FBXO34: variants seen among roughly 807,000 people sequenced by gnomAD.
The protein encoded by FBXO34 is F-box protein 34, also known as F-box only protein 34.
FBXO34 carries 12 observed loss-of-function variants against 24.5 expected under a neutral mutation model. That is an observed-to-expected ratio of 0.49 (90% CI 0.31 to 0.79). FBXO34 has a LOEUF of 0.79. FBXO34 is among the 30% of genes least tolerant of loss of function. The pLI is 0.04. For synonymous variants in FBXO34, 320 were observed against 311.9 expected (o/e 1.03, Z -0.27); for missense variants, 823 against 857.7 (o/e 0.96, Z 0.51).
the FBXO34 span, among the ~76,000 whole-genome samples, chr14:55,376,058 G>A: frequency 6.6e-6 from 1 of 152,164 alleles, no homozygotes; most frequent in Non-Finnish European, 1.5e-5. Flanking sequence ...ATCTGTTAAT[G>A]TGATGAAATA....
At chr14:55,378,101 AG>A in the FBXO34 span, 2 of 1,597,420 alleles carry the variant, frequency 1.3e-6, no homozygotes, top group Non-Finnish European at 1.7e-6. Flanking sequence ...CAATTTATAA[AG>A]TTGCATTTTT....
the FBXO34 span, among the ~76,000 whole-genome samples, chr14:55,403,684 T>TCAA: frequency 6.6e-6 from 1 of 151,876 alleles, no homozygotes; most frequent in African/African-American, 2.4e-5. Context: ...AACAACAACA[T>TCAA]CAACAACAAC....
intron 1 of FBXO34, among the ~76,000 whole-genome samples, chr14:55,319,717 C>T (rs367734064): frequency 6.6e-6 from 1 of 152,098 alleles, no homozygotes; most frequent in African/African-American, 2.4e-5. Flanking sequence ...GGCTCTGTCG[C>T]CAGGCTGGAG....
the FBXO34 span, among the ~76,000 whole-genome samples, chr14:55,430,541 G>T: frequency 1.1e-3 from 161 of 152,082 alleles, no homozygotes; most frequent in Non-Finnish European, 9.3e-4. Flanking sequence ...TAAGTAGCCT[G>T]CAGGGGCATG....
chr14:55,321,170 T>TC (rs1883121669), intron 1 of FBXO34, among the ~76,000 whole-genome samples: 1 of 151,744 alleles, frequency 6.6e-6, no homozygotes, highest in African/African-American at 2.4e-5. Context: ...GGCGGTTTTT[T>TC]TTTTTTTTAA....
the FBXO34 span, chr14:55,382,245 T>C: frequency 2.7e-5 from 42 of 1,530,242 alleles, no homozygotes; most frequent in Non-Finnish European, 3.7e-5. Flanking sequence ...TTTAAGGGCA[T>C]GCAATATAAC....
the FBXO34 span, among the ~76,000 whole-genome samples, chr14:55,407,715 T>C: frequency 1.5e-4 from 23 of 152,316 alleles, 1 homozygote; most frequent in African/African-American, 5.3e-4. Context: ...GTGGCTATCT[T>C]CCTCAAATAA....
At chr14:55,348,973 T>G (rs1400089999) in intron 1 of FBXO34, among the ~76,000 whole-genome samples, 7 of 152,140 alleles carry the variant, frequency 4.6e-5, no homozygotes, top group Admixed American at 4.6e-4. Context: ...GCTGTCCCAG[T>G]GAGCAAGAGT....
chr14:55,313,680 G>A (rs1032414570), intron 1 of FBXO34, among the ~76,000 whole-genome samples: 3 of 152,122 alleles, frequency 2.0e-5, no homozygotes, highest in Non-Finnish European at 2.9e-5. Flanking sequence ...TCACAATGTG[G>A]CAGTTGGGAG....
intron 1 of FBXO34, among the ~76,000 whole-genome samples, chr14:55,279,459 TGTG>T (rs1321925862): frequency 2.0e-5 from 3 of 152,204 alleles, no homozygotes; most frequent in East Asian, 1.9e-4. Context: ...ATAATACTAT[TGTG>T]GTGTTTTGGC....
intron 1 of FBXO34, among the ~76,000 whole-genome samples, chr14:55,344,190 C>G (rs1411701536): frequency 6.6e-6 from 1 of 152,122 alleles, no homozygotes; most frequent in Non-Finnish European, 1.5e-5. Flanking sequence ...TTCTAGTCAC[C>G]CCTCCATCAT....
rs866235449 is a variant in FBXO34 at position 55,308,728 on chromosome 14, A to T, written c.-11+37191A>T. On this transcript the variant is annotated intron_variant, in intron 1 of 1. Transcript: ENST00000313833. The stretch of plus-strand genomic sequence containing the variant: ...AAGCAATATCATCAAATTCCTCCTT[A>T]ATTCCCTCATCTTTAAAATGAGGAG... Among the ~76,000 whole-genome samples the T allele has an allele frequency of 3.3e-5, 5 of 152,180 alleles. 1 individual carries two copies. In the South Asian group the frequency reaches 8.3e-4, roughly 25 times the overall value.
chr14:55,336,042 TATGTCTTTAAAGTATGA>T lies in FBXO34; in HGVS notation c.-10-14337_-10-14321del, dbSNP rs1202178397. Among the ~76,000 whole-genome samples, 3 of 152,182 alleles carry T rather than the reference TATGTCTTTAAAGTATGA, an allele frequency of 2.0e-5. No individual in the cohort carries two copies. The East Asian group carries it at 5.8e-4, about 29-fold the overall frequency. ...GCATTTATTTAAATGTTTATATATA[TATGTCTTTAAAGTATGA>T]AAGTTAAGTGCACTTATACAAGGCA... is the stretch of plus-strand genomic sequence containing the variant. On this transcript the variant is annotated intron_variant, in intron 1 of 1. Coordinates refer to ENST00000313833, the MANE Select transcript of FBXO34 (RefSeq NM_017943.4).
intron 1 of FBXO34, among the ~76,000 whole-genome samples, chr14:55,331,727 A>ATG (rs1406867255): frequency 4.0e-5 from 2 of 49,842 alleles, no homozygotes; most frequent in African/African-American, 2.0e-4. Flanking sequence ...GTATATATAT[A>ATG]TGTATATATA....
chr14:55,274,716 T>C (rs529010541), intron 1 of FBXO34, among the ~76,000 whole-genome samples: 19 of 152,356 alleles, frequency 1.2e-4, no homozygotes, highest in African/African-American at 4.3e-4. Context: ...TTTTTTAAAC[T>C]TAATTTATGT....
At chr14:55,418,922 T>C in the FBXO34 span, among the ~76,000 whole-genome samples, 6 of 152,206 alleles carry the variant, frequency 3.9e-5, no homozygotes, top group Admixed American at 2.0e-4. Context: ...CTATGGTCAC[T>C]TGCATTTTGC....
chr14:55,313,648 G>A (rs4580079), intron 1 of FBXO34, among the ~76,000 whole-genome samples: 46,011 of 152,000 alleles, frequency 0.3, 7,273 homozygotes, highest in Non-Finnish European at 0.34. Flanking sequence ...CATGGCACAA[G>A]GTGAAGAAGC....
downstream of FBXO34, among the ~76,000 whole-genome samples, chr14:55,365,099 C>T (rs1884651156): frequency 6.7e-6 from 1 of 149,504 alleles, no homozygotes; most frequent in African/African-American, 2.5e-5. Context: ...GTGGCAGACA[C>T]CTGCCTCAGG....
the FBXO34 span, among the ~76,000 whole-genome samples, chr14:55,400,437 A>G: frequency 2.0e-4 from 30 of 152,280 alleles, no homozygotes; most frequent in African/African-American, 7.2e-4. Flanking sequence ...CTAATTCACT[A>G]ATAGGTACAC....
Sources: allele counts gnomAD v4.1 joint callset (sites outside exome capture counted in the v4.1 genomes callset), GRCh38; gene constraint gnomAD v4.1.1; transcripts MANE v1.5; gene names NCBI Gene and HGNC (gene_info 2026-07-23, HGNC 2026-07-21).